Variants in TSNARE1 observed in about 807,000 individuals in gnomAD.
The protein encoded by TSNARE1 is t-SNARE domain containing 1, also known as t-SNARE domain-containing protein 1.
Under a neutral mutation model 62.0 loss-of-function variants are expected in TSNARE1, and 49 were observed. That is an observed-to-expected ratio of 0.79 (90% CI 0.63 to 1.00). The LOEUF (loss-of-function observed/expected upper bound fraction) is 1.00. Ranked by LOEUF, TSNARE1 falls within the 50% of genes least tolerant of loss-of-function variation. TSNARE1 has a pLI of 0.00. For synonymous variants in TSNARE1, 328 were observed against 294.4 expected, an observed-to-expected ratio of 1.11 and a Z score of -1.17; for missense variants, 755 against 700.1, an observed-to-expected ratio of 1.08 and a Z score of -0.88.
At chr8:142,401,243 T>C (rs1348768246) in intron 1 of TSNARE1, among the ~76,000 whole-genome samples, 2 of 152,190 alleles carry the variant, frequency 1.3e-5, no homozygotes, top group Admixed American at 1.3e-4. Flanking sequence ...GTGCTTATCC[T>C]ACTCTCGGTG....
rs1318187737 is a variant in TSNARE1 at position 142,291,963 on chromosome 8, C to T, written c.1291-7478G>A. On this transcript the variant is annotated intron_variant, in intron 10 of 13. Coordinates refer to ENST00000524325, the MANE Select transcript of TSNARE1 (RefSeq NM_145003.5). The surrounding 1 kb of genome is among the most constrained non-coding windows in gnomAD (Gnocchi z 4.8). Reference sequence around the variant, plus strand: ...CGTGGACGGTCACAGCAACGCACGCCCCCCCCGGCCCCCCACCTGTTTCAA... The same window carrying T: ...CGTGGACGGTCACAGCAACGCACGCTCCCCCCGGCCCCCCACCTGTTTCAA... Among the ~76,000 whole-genome samples, 1 of 151,612 alleles carries T rather than the reference C, an allele frequency of 6.6e-6. No homozygotes were observed. Among genetic ancestry groups the T allele is most frequent in the East Asian group, 1.9e-4 (1 of 5,132 alleles).
At chr8:142,321,777 T>C (rs945800165) in intron 6 of TSNARE1, among the ~76,000 whole-genome samples, 2 of 152,150 alleles carry the variant, frequency 1.3e-5, no homozygotes, top group African/African-American at 4.8e-5. Context: ...AAAACCTAAA[T>C]AGCTCTATAT....
intron 3 of TSNARE1, among the ~76,000 whole-genome samples, chr8:142,344,815 C>T (rs1418485066): frequency 2.0e-5 from 3 of 152,360 alleles, no homozygotes; most frequent in South Asian, 4.1e-4. Flanking sequence ...CCAGGGTTTC[C>T]TGCCCTCAGG....
chr8:142,241,901 C>T (rs78875695), intron 12 of TSNARE1, among the ~76,000 whole-genome samples: 28 of 144,264 alleles, frequency 1.9e-4, no homozygotes, highest in African/African-American at 6.6e-4. Flanking sequence ...TCTAAACCTA[C>T]GATCTCCATC....
In TSNARE1 at chr8:142,343,678, C is replaced by T. The variant is rs186451311; in HGVS notation, c.745+288G>A. ...CTGAATGCACAGACGGGTGGATGCACAGATGAGTGAAGAGTGAACGGGGCA... is the reference window on the plus strand; with the variant it reads ...CTGAATGCACAGACGGGTGGATGCATAGATGAGTGAAGAGTGAACGGGGCA... On this transcript the variant is annotated intron_variant, in intron 4 of 13. Coordinates refer to ENST00000524325, the MANE Select transcript of TSNARE1 (RefSeq NM_145003.5). Among the ~76,000 whole-genome samples, 869 of 149,096 alleles carry T rather than the reference C, an allele frequency of 5.8e-3. 9 individuals are homozygous for T. Among genetic ancestry groups the T allele is most frequent in the African/African-American group, 0.02 (812 of 40,086 alleles).
intron 1 of TSNARE1, among the ~76,000 whole-genome samples, chr8:142,363,893 T>C (rs536532986): frequency 2.0e-5 from 3 of 152,220 alleles, no homozygotes; most frequent in East Asian, 1.9e-4. Context: ...CACAAGACCA[T>C]AGTCTCATGT....
At position 142,311,290 on chromosome 8, in the gene TSNARE1, G is replaced by GTTTTT. The variant is rs58755110; in HGVS notation, c.1131+3089_1131+3093dup. Among the ~76,000 whole-genome samples, 104 of 57,340 alleles carry GTTTTT rather than the reference G, an allele frequency of 1.8e-3. 4 individuals are homozygous for GTTTTT. The highest frequency in any genetic ancestry group is 6.1e-3 in the African/African-American group (65 of 10,728). 37.6% of individuals were successfully genotyped at this position (57,340 alleles called of 152,430 possible). On this transcript the variant is annotated intron_variant, in intron 9 of 13. Coordinates refer to ENST00000524325, the MANE Select transcript of TSNARE1 (RefSeq NM_145003.5). Reference sequence around the variant, plus strand: ...CGATTCTCCTGCCTCAGCCTCTCTAGTTTTTTTTTTTTTTTTTTTTTTTTG... The same window carrying GTTTTT: ...CGATTCTCCTGCCTCAGCCTCTCTAGTTTTTTTTTTTTTTTTTTTTTTTTTTTTTG...
chr8:142,290,506 G>A (rs149373698), intron 10 of TSNARE1, among the ~76,000 whole-genome samples: 301 of 152,348 alleles, frequency 2.0e-3, no homozygotes, highest in African/African-American at 7.0e-3. Flanking sequence ...TGGTGTGTGT[G>A]TGCCTGTGTG....
intron 10 of TSNARE1, among the ~76,000 whole-genome samples, chr8:142,298,502 C>T (rs572896004): frequency 3.3e-5 from 5 of 152,138 alleles, no homozygotes; most frequent in East Asian, 1.9e-4. Flanking sequence ...GGTGCCACGC[C>T]GGAACCCCGA....
intron 6 of TSNARE1, among the ~76,000 whole-genome samples, chr8:142,326,522 G>A (rs1455781499): frequency 3.3e-5 from 4 of 119,976 alleles, no homozygotes; most frequent in Admixed American, 8.6e-5. Context: ...GGAGGGCCCC[G>A]GAGAGCACGA....
At chr8:142,223,090 T>C (rs1816518354) in intron 13 of TSNARE1, among the ~76,000 whole-genome samples, 2 of 145,386 alleles carry the variant, frequency 1.4e-5, no homozygotes, top group Non-Finnish European at 3.0e-5. Flanking sequence ...ATTCACTCAT[T>C]CATCCACTCA....
chr8:142,375,865 G>A (rs949110217), intron 1 of TSNARE1, among the ~76,000 whole-genome samples: 4 of 152,164 alleles, frequency 2.6e-5, no homozygotes, highest in Non-Finnish European at 5.9e-5. Context: ...GCCCAGGCTG[G>A]GGTTCCAACT....
chr8:142,377,767 C>T (rs1041924362), intron 1 of TSNARE1, among the ~76,000 whole-genome samples: 4 of 152,186 alleles, frequency 2.6e-5, no homozygotes, highest in African/African-American at 9.7e-5. Context: ...AGCTCTGCTC[C>T]AAGGAATCCA....
chr8:142,227,071 C>G (rs1228479419), intron 13 of TSNARE1, among the ~76,000 whole-genome samples: 1 of 149,482 alleles, frequency 6.7e-6, no homozygotes, highest in African/African-American at 2.5e-5. Context: ...ACTGCACCCA[C>G]ACAGCAGTGA....
chr8:142,295,251 A>G lies in TSNARE1; in HGVS notation c.1290+5235T>C, dbSNP rs148560928. On this transcript the variant is annotated intron_variant, in intron 10 of 13. Transcript: ENST00000524325. The stretch of plus-strand genomic sequence containing the variant: ...GGAGATGGTGGGCAGCCCCAGGTGA[A>G]AAGTTCAAATTCCAGGGCTGCCAGA... Among the ~76,000 whole-genome samples the G allele has an allele frequency of 3.7e-3, 566 of 152,296 alleles. 2 individuals are homozygous for G. Among genetic ancestry groups the G allele is most frequent in the African/African-American group, 0.013 (530 of 41,566 alleles).
intron 12 of TSNARE1, among the ~76,000 whole-genome samples, chr8:142,260,578 C>T (rs886222979): frequency 6.6e-6 from 1 of 152,150 alleles, no homozygotes; most frequent in African/African-American, 2.4e-5. Flanking sequence ...CTGACCCAGC[C>T]TCACTTCTCA....
chr8:142,248,766 C>T (rs113413861), intron 12 of TSNARE1, among the ~76,000 whole-genome samples: 6 of 152,180 alleles, frequency 3.9e-5, no homozygotes, highest in African/African-American at 7.2e-5. Flanking sequence ...GCCTGGCCCA[C>T]GGGGGCTCCA....
chr8:142,229,395 A>C (rs759045310), intron 13 of TSNARE1, 78 bp downstream of exon 13: 32 of 1,170,890 alleles, frequency 2.7e-5, no homozygotes, highest in Non-Finnish European at 3.7e-5. Context: ...GGATGGTTAG[A>C]TGGATGGTGG....
intron 4 of TSNARE1, among the ~76,000 whole-genome samples, chr8:142,332,655 G>A (rs1167216452): frequency 6.6e-6 from 1 of 152,178 alleles, no homozygotes; most frequent in Non-Finnish European, 1.5e-5. Flanking sequence ...GCTGCATGGT[G>A]AGGATAAACG....
Sources: allele counts gnomAD v4.1 joint callset (sites outside exome capture counted in the v4.1 genomes callset), GRCh38; gene constraint gnomAD v4.1.1; non-coding constraint Gnocchi (gnomAD v3.1); transcripts MANE v1.5; gene names NCBI Gene and HGNC (gene_info 2026-07-23, HGNC 2026-07-21).